The following ANKUB1 variants were observed in gnomAD, a reference collection of about 807,000 sequenced individuals.
The protein encoded by ANKUB1 is protein ANKUB1.
A neutral mutation model predicts 49.3 loss-of-function variants in ANKUB1; 42 were observed. The observed-to-expected ratio is 0.85, with a 90% CI of 0.67 to 1.10. ANKUB1 has a LOEUF of 1.10. Ranked by LOEUF, ANKUB1 falls within the 50% of genes least tolerant of loss-of-function variation. The pLI, the probability that ANKUB1 is intolerant of heterozygous loss-of-function variation, is 0.00. For missense variants in ANKUB1, 613 were observed against 642.0 expected (o/e 0.95, Z 0.49); for synonymous variants, 222 against 231.0 (o/e 0.96, Z 0.35).
chr3:149,785,252 T>TTTATTA (rs568736849), intron 2 of ANKUB1, among the ~76,000 whole-genome samples: 60 of 152,068 alleles, frequency 3.9e-4, no homozygotes, highest in Non-Finnish European at 7.4e-5. Context: ...TACAATGTTC[T>TTTATTA]TTATTATTAT....
intron 2 of ANKUB1, among the ~76,000 whole-genome samples, chr3:149,788,840 G>A (rs1424335590): frequency 1.3e-5 from 2 of 151,990 alleles, no homozygotes; most frequent in Non-Finnish European, 2.9e-5. Context: ...ACAGTGGGGT[G>A]ATCTCGGCTC....
chr3:149,783,503 C>A (rs917882817), intron 2 of ANKUB1: 1 of 152,104 alleles, frequency 6.6e-6, no homozygotes. Context: ...TCCATGCTTA[C>A]CTTCAAAAAA....
At chr3:149,765,532 CCA>C (rs367702633) in intron 5 of ANKUB1, among the ~76,000 whole-genome samples, 2 of 150,044 alleles carry the variant, frequency 1.3e-5, no homozygotes, top group Middle Eastern at 3.2e-3. Flanking sequence ...TTATCTAAAA[CCA>C]CACACACACA....
At chr3:149,764,556 T>A (rs933076573) in intron 5 of ANKUB1, among the ~76,000 whole-genome samples, 3 of 150,330 alleles carry the variant, frequency 2.0e-5, no homozygotes, top group African/African-American at 7.4e-5. Flanking sequence ...TTCCTTCCTT[T>A]CCCTTCCTTC....
At position 149,767,405 on chromosome 3, in the gene ANKUB1, T is replaced by C. The variant is rs1160145996; in HGVS notation, c.1257A>G (p.Leu419=). 6.4e-7 allele frequency: 1 copy of C among 1,551,736 alleles called. No individual in the cohort carries two copies. Among genetic ancestry groups the C allele is most frequent in the African/African-American group, 1.4e-5 (1 of 73,184 alleles). The change falls in exon 5 of 6, where the codon TTA becomes TTG. Residue 419 remains leucine, a synonymous_variant. Coordinates refer to ENST00000446160, the MANE Select transcript of ANKUB1 (RefSeq NM_001144960.3). ...TCTGATTTTGTTGTTGATGTTTTTGTAATTCAGAGAATGAACTTGCATTCA... is the reference window on the plus strand; with the variant it reads ...TCTGATTTTGTTGTTGATGTTTTTGCAATTCAGAGAATGAACTTGCATTCA... ...PLVNASSFSE[L]QKHQQQNQKK...
intron 3 of ANKUB1, among the ~76,000 whole-genome samples, chr3:149,777,211 C>T (rs968460075): frequency 3.3e-5 from 5 of 152,146 alleles, no homozygotes; most frequent in Non-Finnish European, 2.9e-5. Context: ...TGGTGGCTCA[C>T]GCCTGTAATC....
At chr3:149,773,767 G>A (rs534322795) in intron 3 of ANKUB1, among the ~76,000 whole-genome samples, 11 of 152,022 alleles carry the variant, frequency 7.2e-5, no homozygotes, top group African/African-American at 2.2e-4. Flanking sequence ...GCCCCATACC[G>A]CAGCCTCCTT....
At chr3:149,775,331 A>G (rs1717545795) in intron 3 of ANKUB1, among the ~76,000 whole-genome samples, 1 of 152,214 alleles carries the variant, frequency 6.6e-6, no homozygotes, top group Non-Finnish European at 1.5e-5. Context: ...CATTGATTAG[A>G]ACTTAAAGGC....
At chr3:149,768,893 TA>T (rs1717195529) in intron 4 of ANKUB1, among the ~76,000 whole-genome samples, 1 of 152,110 alleles carries the variant, frequency 6.6e-6, no homozygotes, top group African/African-American at 2.4e-5. Flanking sequence ...AAAATAAGAT[TA>T]AAAAGTGTCC....
rs1257137009 is a variant in ANKUB1, at chr3:149,792,441, T to C, written c.-75A>G. On this transcript the variant is annotated 5_prime_UTR_variant, in exon 1 of 6. Coordinates refer to ENST00000446160, the MANE Select transcript of ANKUB1 (RefSeq NM_001144960.3). ...TCCTGGATGGCTAGAAAAATTCCGG[T>C]TCACAATTAAGGACAAAAATGATAG... The C allele has an allele frequency of 6.5e-6, 8 of 1,230,454 alleles. No homozygotes were observed. The highest frequency in any genetic ancestry group is 8.7e-6 in the Non-Finnish European group (8 of 915,970). 76.2% of individuals were successfully genotyped at this position (1,230,454 alleles called of 1,614,324 possible). A position where few individuals can be genotyped will look rare whatever the true frequency, so the allele number is the denominator to read the frequency against.
chr3:149,789,341 T>C (rs991066881), intron 2 of ANKUB1, among the ~76,000 whole-genome samples: 3 of 152,096 alleles, frequency 2.0e-5, no homozygotes, highest in Non-Finnish European at 2.9e-5. Flanking sequence ...AACCTTATGA[T>C]TGGTATTACA....
chr3:149,780,538 T>G, intron 2 of ANKUB1, 83 bp from the exon 3 acceptor site: 1 of 1,008,674 alleles, frequency 9.9e-7, no homozygotes, highest in Non-Finnish European at 1.5e-6. Flanking sequence ...TTTGAGCACC[T>G]CTAGCTCCAC....
chr3:149,763,950 T>C (rs1407459625), intron 5 of ANKUB1: 1 of 456,278 alleles, frequency 2.2e-6, no homozygotes, highest in Admixed American at 2.3e-5. Flanking sequence ...TACTTTCACA[T>C]GATGCCAGAT....
chr3:149,780,354 C>G lies in ANKUB1; in HGVS notation c.336G>C (p.Leu112=). 6.4e-7 allele frequency: 1 copy of G among 1,551,970 alleles called. No individual in the cohort carries two copies. Residue 112 remains leucine, a synonymous_variant, in exon 3 of 6, where the codon CTG becomes CTC. Transcript: ENST00000446160. ...CACATCTCAGAGTTACCAGTGTTCTCAGATCAGACACTGTTTTATCAAGAA... is the reference window on the plus strand; with the variant it reads ...CACATCTCAGAGTTACCAGTGTTCTGAGATCAGACACTGTTTTATCAAGAA... ...ISLLDKTVSD[L]RTLVTLRCGL...
chr3:149,768,300 G>T (rs369307220), intron 4 of ANKUB1, among the ~76,000 whole-genome samples: 2 of 152,148 alleles, frequency 1.3e-5, no homozygotes, highest in East Asian at 3.9e-4. Context: ...TACTATGCAC[G>T]TGTAAATAGT....
In ANKUB1 at chr3:149,767,167, C is replaced by T; in HGVS notation, c.1495G>A (p.Ala499Thr). The change falls in exon 5 of 6, where the codon GCT becomes ACT. Residue 499 changes from alanine (A) to threonine (T), a missense_variant. By Grantham distance (58) the Ala-to-Thr change is moderately conservative. Coordinates refer to ENST00000446160, the MANE Select transcript of ANKUB1 (RefSeq NM_001144960.3). ...AGGGGAGAACATTACCTTGCCACAGCTAAGCAGTAGATTGCGTTCTCCCAT... is the reference window on the plus strand; with the variant it reads ...AGGGGAGAACATTACCTTGCCACAGTTAAGCAGTAGATTGCGTTCTCCCAT... ...TPWENAIYCL[A>T]VASAFKEKRW... 6.6e-7 allele frequency: 1 copy of T among 1,522,204 alleles called. No homozygotes were observed. 94.3% of individuals were successfully genotyped at this position (1,522,204 alleles called of 1,614,324 possible).
At chr3:149,766,556 T>C (rs1576667603) in intron 5 of ANKUB1, 2 of 362,940 alleles carry the variant, frequency 5.5e-6, no homozygotes, top group East Asian at 4.2e-5. Context: ...TCCCAGCACT[T>C]TGGGAGGCCA....
At position 149,767,280 on chromosome 3, in the gene ANKUB1, T is replaced by C. The variant is rs1257174316; in HGVS notation, c.1382A>G (p.His461Arg). 1.1e-5 allele frequency: 17 copies of C among 1,551,584 alleles called. No homozygotes were observed. Among genetic ancestry groups the C allele is most frequent in the Non-Finnish European group, 1.5e-5 (17 of 1,146,952 alleles). Residue 461 changes from histidine to arginine, a missense_variant, in exon 5 of 6, where the codon CAT (histidine) becomes CGT (arginine). His to Arg is a conservative substitution (Grantham distance 29, BLOSUM62 0). Transcript: ENST00000446160. ...GGGTGTTGCATAGAAAAACGATGGA[T>C]GTGAATATCCCACTCTTGAAACTGG... ...LPPVSRVGYSHPSFFYATPSA... is the reference protein window; with the variant it reads ...LPPVSRVGYSRPSFFYATPSA...
In ANKUB1 at chr3:149,785,556, C is replaced by T. The variant is rs148023661; in HGVS notation, c.235-5101G>A. Among the ~76,000 whole-genome samples, 912 of 152,194 alleles carry T rather than the reference C, an allele frequency of 6.0e-3. 6 individuals are homozygous for T. Among genetic ancestry groups the T allele is most frequent in the African/African-American group, 0.021 (868 of 41,500 alleles). ...ATAGTTTGCTGAGAATGATGGTTTC[C>T]AGCTTCATCCATGTCCCTACAAAGG... On this transcript the variant is annotated intron_variant, in intron 2 of 5. Coordinates refer to ENST00000446160, the MANE Select transcript of ANKUB1 (RefSeq NM_001144960.3).
Sources: allele counts gnomAD v4.1 joint callset (sites outside exome capture counted in the v4.1 genomes callset), GRCh38; gene constraint gnomAD v4.1.1; transcripts MANE v1.5; gene names NCBI Gene and HGNC (gene_info 2026-07-23, HGNC 2026-07-21).